The following ARID2 variants were observed in gnomAD, a reference collection of about 807,000 sequenced individuals.
ARID2 encodes AT-rich interactive domain-containing protein 2.
ARID2 carries 32 observed loss-of-function variants against 184.6 expected under a neutral mutation model. The ratio of observed to expected loss-of-function variants is 0.17; its 90% CI spans 0.13 to 0.23. The LOEUF (loss-of-function observed/expected upper bound fraction) is 0.23. ARID2 is among the 10% of genes least tolerant of loss of function. ARID2 has a pLI of 1.00. For synonymous variants in ARID2, 836 were observed against 772.6 expected, an observed-to-expected ratio of 1.08 and a Z score of -1.36; for missense variants, 1,696 against 2,197.6, an observed-to-expected ratio of 0.77 and a Z score of 4.56.
At chr12:45,789,423 T>G (rs144290486) in intron 3 of ARID2, 2 of 152,352 alleles carry the variant, frequency 1.3e-5, no homozygotes, top group African/African-American at 4.8e-5. Flanking sequence ...TCAAAAGATG[T>G]GGTCTGCGTG....
At chr12:45,878,332 C>T (rs1315948459) in intron 16 of ARID2, among the ~76,000 whole-genome samples, 1 of 152,008 alleles carries the variant, frequency 6.6e-6, no homozygotes, top group African/African-American at 2.4e-5. Flanking sequence ...TTCTCTTTTT[C>T]TTCTCTTTAT....
intron 11 of ARID2, among the ~76,000 whole-genome samples, chr12:45,844,971 A>T (rs1943415810): frequency 6.6e-6 from 1 of 152,218 alleles, no homozygotes; most frequent in Non-Finnish European, 1.5e-5. Context: ...AAGAATACAT[A>T]AGAAAGTTGA....
intron 3 of ARID2, among the ~76,000 whole-genome samples, chr12:45,799,589 GA>G (rs1942456454): frequency 6.6e-6 from 1 of 152,044 alleles, no homozygotes; most frequent in Non-Finnish European, 1.5e-5. Context: ...AAGTAAAGAG[GA>G]AAATACAATA....
chr12:45,778,287 A>ATATATCC (rs1942026704), intron 3 of ARID2, among the ~76,000 whole-genome samples: 1 of 152,154 alleles, frequency 6.6e-6, no homozygotes, highest in African/African-American at 2.4e-5. Flanking sequence ...TAGATCTAGG[A>ATATATCC]TATAGATGGC....
intron 3 of ARID2, among the ~76,000 whole-genome samples, chr12:45,733,428 T>C (rs1941041240): frequency 6.6e-6 from 1 of 152,216 alleles, no homozygotes; most frequent in African/African-American, 2.4e-5. Context: ...TAAGAAATAG[T>C]AATCGAGTGA....
intron 3 of ARID2, among the ~76,000 whole-genome samples, chr12:45,757,582 A>G (rs545456294): frequency 6.6e-6 from 1 of 152,354 alleles, no homozygotes; most frequent in Non-Finnish European, 1.5e-5. Context: ...AGAGAGCTTG[A>G]TTGAGAAAAA....
chr12:45,773,827 A>G (rs549483095), intron 3 of ARID2, among the ~76,000 whole-genome samples: 3 of 152,312 alleles, frequency 2.0e-5, no homozygotes, highest in Admixed American at 6.5e-5. Context: ...AAGGAAAATT[A>G]GTACAGATTC....
chr12:45,784,015 G>A (rs970681244), intron 3 of ARID2, among the ~76,000 whole-genome samples: 5 of 152,014 alleles, frequency 3.3e-5, no homozygotes, highest in Non-Finnish European at 5.9e-5. Context: ...TTAGAATCAG[G>A]GTCTCACTGT....
rs374055575 is a variant in ARID2, at chr12:45,856,178, G to A, written c.4773+3282G>A. Among the ~76,000 whole-genome samples, 6 of 145,362 alleles carry A rather than the reference G, an allele frequency of 4.1e-5. No homozygotes were observed. In the East Asian group the frequency reaches 1.1e-3, roughly 26 times the overall value. ...CAACCTCTACCTCCCGGGTTCAAGCGATTCTTCCACCTCAGCCTCCTGAGT... is the reference window on the plus strand; with the variant it reads ...CAACCTCTACCTCCCGGGTTCAAGCAATTCTTCCACCTCAGCCTCCTGAGT... On this transcript the variant is annotated intron_variant, in intron 15 of 20. Coordinates refer to ENST00000334344, the MANE Select transcript of ARID2 (RefSeq NM_152641.4).
chr12:45,855,762 G>A (rs1943635910), intron 15 of ARID2, among the ~76,000 whole-genome samples: 1 of 152,188 alleles, frequency 6.6e-6, no homozygotes, highest in Non-Finnish European at 1.5e-5. Context: ...TGTTGACCAG[G>A]CTAGAGTGCA....
intron 3 of ARID2, among the ~76,000 whole-genome samples, chr12:45,748,943 T>C (rs1426116411): frequency 6.6e-6 from 1 of 152,212 alleles, no homozygotes; most frequent in African/African-American, 2.4e-5. Flanking sequence ...TCCTCCACTG[T>C]AATCTTGAAG....
chr12:45,841,016 G>C (rs929356866), intron 11 of ARID2: 7 of 152,084 alleles, frequency 4.6e-5, no homozygotes, highest in Admixed American at 2.6e-4. Context: ...GGGAATCTTT[G>C]GTCAGAATAT....
intron 3 of ARID2, among the ~76,000 whole-genome samples, chr12:45,733,408 C>T (rs1029349705): frequency 6.6e-6 from 1 of 152,158 alleles, no homozygotes; most frequent in African/African-American, 2.4e-5. Context: ...ATAAGATTGG[C>T]TCTTCATAGT....
At position 45,852,265 on chromosome 12, in the gene ARID2, C is replaced by T. The variant is rs774661514; in HGVS notation, c.4142C>T (p.Thr1381Ile). Residue 1381 changes from threonine (T) to isoleucine (I), a missense_variant, in exon 15 of 21, where the codon ACT becomes ATT. Physicochemically the swap from Thr to Ile is moderately conservative, Grantham distance 89. This residue lies in a region of ARID2 where 428 missense variants were observed against 409.1 expected (regional missense o/e 1.05). Coordinates refer to ENST00000334344, the MANE Select transcript of ARID2 (RefSeq NM_152641.4). ...HLSKNIPNHK[T>I]SNHVGNGEIS... is the part of the protein sequence containing the mutation. ...AGCAAAAACATTCCAAATCATAAAA[C>T]TTCCAATCATGTAGGAAATGGTGAG... The T allele has an allele frequency of 4.3e-6, 7 of 1,614,090 alleles. No individual in the cohort carries two copies. The East Asian group carries it at 1.6e-4, about 36-fold the overall frequency.
At chr12:45,730,244 A>T (rs1940954645) in intron 2 of ARID2, 107 bp downstream of exon 2, 1 of 1,064,698 alleles carries the variant, frequency 9.4e-7, no homozygotes, top group Admixed American at 2.7e-5. Flanking sequence ...CCGCGGGGGC[A>T]AAAGGCGTTC....
At chr12:45,897,219 T>C (rs1944381900) in intron 20 of ARID2, among the ~76,000 whole-genome samples, 1 of 152,196 alleles carries the variant, frequency 6.6e-6, no homozygotes, top group Admixed American at 6.5e-5. Context: ...TTTGAAAAAC[T>C]GGATATGTAC....
chr12:45,762,500 A>C (rs1941701548), intron 3 of ARID2, among the ~76,000 whole-genome samples: 1 of 152,262 alleles, frequency 6.6e-6, no homozygotes, highest in South Asian at 2.1e-4. Flanking sequence ...CCTAGTAAAA[A>C]GTATACCCAA....
intron 3 of ARID2, among the ~76,000 whole-genome samples, chr12:45,763,792 A>T (rs1326740078): frequency 6.6e-6 from 1 of 152,070 alleles, no homozygotes; most frequent in African/African-American, 2.4e-5. Flanking sequence ...TGCCTGGCTG[A>T]TTGTTATTGT....
intron 20 of ARID2, among the ~76,000 whole-genome samples, chr12:45,901,632 C>T (rs1399949820): frequency 6.6e-6 from 1 of 151,944 alleles, no homozygotes. Context: ...CCTTGTAATT[C>T]CTCAAATTTC....
Sources: gnomAD v4.1 joint callset for allele counts (sites outside exome capture counted in the v4.1 genomes callset) on GRCh38, gnomAD v4.1.1 for gene constraint, gnomAD v4.1.1 regional missense constraint, MANE v1.5 for transcripts, NCBI Gene and HGNC (gene_info 2026-07-23, HGNC 2026-07-21) for gene names.